HTR2B: variants seen among roughly 807,000 people sequenced by gnomAD.
HTR2B encodes the protein 5-HT 2B receptor.
Under a neutral mutation model 39.8 loss-of-function variants are expected in HTR2B, and 31 were observed. The ratio of observed to expected loss-of-function variants is 0.78; its 90% CI spans 0.58 to 1.05. HTR2B has a LOEUF of 1.05. Ranked by LOEUF, HTR2B falls within the 50% of genes least tolerant of loss-of-function variation. The pLI is 0.00. For synonymous variants in HTR2B, 210 were observed against 207.1 expected (o/e 1.01, Z -0.12); for missense variants, 562 against 578.0 (o/e 0.97, Z 0.28).
At chr2:231,112,350 C>A (rs1695182026) in intron 3 of HTR2B, among the ~76,000 whole-genome samples, 1 of 152,240 alleles carries the variant, frequency 6.6e-6, no homozygotes, top group Non-Finnish European at 1.5e-5. Context: ...TCTGCCCCCT[C>A]ATCTAGCCTT....
chr2:231,115,111 GAAC>G (rs1252102526), intron 2 of HTR2B, among the ~76,000 whole-genome samples: 2 of 151,408 alleles, frequency 1.3e-5, no homozygotes, highest in Non-Finnish European at 2.9e-5. Flanking sequence ...CAGGATTACA[GAAC>G]AACAAGAGAC....
At chr2:231,124,691 C>A (rs1370832409) in intron 1 of HTR2B, among the ~76,000 whole-genome samples, 1 of 152,102 alleles carries the variant, frequency 6.6e-6, no homozygotes, top group Non-Finnish European at 1.5e-5. Context: ...ACTAAATTTG[C>A]CAAATTCAAA....
In HTR2B at chr2:231,109,009, G is replaced by A. The variant is rs371120289; in HGVS notation, c.954C>T (p.Asn318=). The change falls in exon 4 of 4, where the codon AAC becomes AAT. Residue 318 remains asparagine, a synonymous_variant. Coordinates refer to ENST00000258400, the MANE Select transcript of HTR2B (RefSeq NM_000867.5). ...CTAGGACCTTTGAGGCTCTCTGTTC[G>A]TTGGAAATGGTCTGCACTGACTTTT... ...IGKKSVQTIS[N]EQRASKVLGI... The A allele has an allele frequency of 4.0e-5, 64 of 1,614,078 alleles. No homozygotes were observed. Among genetic ancestry groups the A allele is most frequent in the African/African-American group, 8.0e-5 (6 of 74,928 alleles).
At chr2:231,114,939 G>C (rs1695280285) in intron 2 of HTR2B, among the ~76,000 whole-genome samples, 2 of 152,262 alleles carry the variant, frequency 1.3e-5, no homozygotes, top group South Asian at 2.1e-4. Flanking sequence ...GTAGAGAACA[G>C]ATGTCATGCA....
rs184764588 is a variant in HTR2B, at chr2:231,123,719, C to G, written c.46G>C (p.Glu16Gln). 4.3e-6 allele frequency: 7 copies of G among 1,613,992 alleles called. No individual in the cohort carries two copies. In the East Asian group the frequency reaches 1.3e-4, roughly 31 times the overall value. ...RVSELQSTIPEHILQSTFVHV... is the reference protein window; with the variant it reads ...RVSELQSTIPQHILQSTFVHV... ...ACAAAGGTGCTCTGCAAAATGTGCT[C>G]AGGAATTGTGCTTTGAAGTTCAGAC... The change falls in exon 2 of 4, where the codon GAG (glutamate) becomes CAG (glutamine). Residue 16 changes from glutamate (E) to glutamine (Q), a missense_variant. Transcript: ENST00000258400.
chr2:231,121,063 T>C (rs1465295183), intron 2 of HTR2B, among the ~76,000 whole-genome samples: 3 of 152,258 alleles, frequency 2.0e-5, no homozygotes, highest in African/African-American at 7.2e-5. Flanking sequence ...TGTGTTTTTT[T>C]CCTACATTTT....
intron 2 of HTR2B, among the ~76,000 whole-genome samples, chr2:231,116,337 A>G (rs868800894): frequency 1.6e-4 from 24 of 152,168 alleles, no homozygotes; most frequent in African/African-American, 5.5e-4. Context: ...TAGAGCTATA[A>G]TCAGAGATAT....
chr2:231,118,287 A>G (rs540011485), intron 2 of HTR2B, among the ~76,000 whole-genome samples: 1 of 152,280 alleles, frequency 6.6e-6, no homozygotes, highest in East Asian at 1.9e-4. Context: ...CTCAACCATG[A>G]AAACACTCCT....
Position 231,123,955 on chromosome 2 carries a change from A to G in HTR2B, c.-191T>C. Reference sequence around the variant, plus strand: ...CATACACACATCTGTCCATGTTTGTAGGTAAGATATCCAAGTATTTATTAT... The same window carrying G: ...CATACACACATCTGTCCATGTTTGTGGGTAAGATATCCAAGTATTTATTAT... On this transcript the variant is annotated 5_prime_UTR_variant, in exon 2 of 4. Coordinates refer to ENST00000258400, the MANE Select transcript of HTR2B (RefSeq NM_000867.5). 1.7e-6 allele frequency: 1 copy of G among 600,136 alleles called. No individual in the cohort carries two copies. Among genetic ancestry groups the G allele is most frequent in the Non-Finnish European group, 3.0e-6 (1 of 336,160 alleles). The allele number at this position is 600,136 out of a possible 1,614,324, so 37.2% of individuals were successfully genotyped here.
At chr2:231,123,140 A>G (rs1337382266) in intron 2 of HTR2B, among the ~76,000 whole-genome samples, 2 of 152,204 alleles carry the variant, frequency 1.3e-5, no homozygotes, top group African/African-American at 4.8e-5. Context: ...TTCAGAATCT[A>G]TAAATATCAC....
intron 2 of HTR2B, 67 bp from the exon 3 acceptor site, chr2:231,113,996 T>G: frequency 8.0e-7 from 1 of 1,252,074 alleles, no homozygotes; most frequent in Non-Finnish European, 1.2e-6. Context: ...CTACAGTTTT[T>G]CAGGTGATAC....
rs1208344545 is a variant in HTR2B, at chr2:231,108,256, A to T, written c.*261T>A. 1 of 351,710 alleles carries T rather than the reference A, an allele frequency of 2.8e-6. No homozygotes were observed. The highest frequency in any genetic ancestry group is 5.2e-6 in the Non-Finnish European group (1 of 193,770). 21.8% of individuals were successfully genotyped at this position (351,710 alleles called of 1,614,324 possible). ...TCTTTTTAAAGCCTGAAATTTATTG[A>T]TTTGACTTTATTTCATTCGAATACC... is the stretch of plus-strand genomic sequence containing the variant. On this transcript the variant is annotated 3_prime_UTR_variant, in exon 4 of 4. Coordinates refer to ENST00000258400, the MANE Select transcript of HTR2B (RefSeq NM_000867.5).
chr2:231,123,832 A>C lies in HTR2B; in HGVS notation c.-68T>G. 8.1e-7 allele frequency: 1 copy of C among 1,236,054 alleles called. No individual in the cohort carries two copies. The highest frequency in any genetic ancestry group is 1.2e-6 in the Non-Finnish European group (1 of 837,474). 76.6% of individuals were successfully genotyped at this position (1,236,054 alleles called of 1,614,324 possible). A position where few individuals can be genotyped will look rare whatever the true frequency, so the allele number is the denominator to read the frequency against. Reference sequence around the variant, plus strand: ...AGCATGGTTAGTAGCTAAGCTGCTCATCTGTTTTTTTAAGGCATTGTAACC... The same window carrying C: ...AGCATGGTTAGTAGCTAAGCTGCTCCTCTGTTTTTTTAAGGCATTGTAACC... On this transcript the variant is annotated 5_prime_UTR_variant, in exon 2 of 4. It removes an upstream start codon present in the reference 5' UTR. Coordinates refer to ENST00000258400, the MANE Select transcript of HTR2B (RefSeq NM_000867.5).
intron 2 of HTR2B, among the ~76,000 whole-genome samples, chr2:231,119,864 C>T (rs1574748185): frequency 2.9e-5 from 3 of 102,132 alleles, no homozygotes; most frequent in African/African-American, 5.3e-5. Flanking sequence ...AACGAGACTC[C>T]GTCTCAAAAA....
intron 2 of HTR2B, among the ~76,000 whole-genome samples, chr2:231,114,175 G>A (rs1695255499): frequency 6.6e-6 from 1 of 152,120 alleles, no homozygotes; most frequent in South Asian, 2.1e-4. Flanking sequence ...GTCAGCAGCA[G>A]TTTAACTTTT....
intron 3 of HTR2B, among the ~76,000 whole-genome samples, chr2:231,112,117 C>T (rs568923257): frequency 3.3e-5 from 5 of 151,954 alleles, no homozygotes; most frequent in African/African-American, 1.2e-4. Context: ...AACTTTTTTT[C>T]CCTTTCTCTG....
intron 2 of HTR2B, among the ~76,000 whole-genome samples, chr2:231,114,611 T>G (rs935967284): frequency 1.3e-5 from 2 of 152,342 alleles, no homozygotes; most frequent in Middle Eastern, 6.8e-3. Flanking sequence ...GTACAGACTT[T>G]TGATTTGAAA....
At chr2:231,122,793 A>C (rs979945163) in intron 2 of HTR2B, among the ~76,000 whole-genome samples, 3 of 152,178 alleles carry the variant, frequency 2.0e-5, no homozygotes, top group Non-Finnish European at 2.9e-5. Context: ...TATATCATAA[A>C]AAAATTGAAT....
At chr2:231,119,207 G>T (rs890147085) in intron 2 of HTR2B, among the ~76,000 whole-genome samples, 6 of 152,120 alleles carry the variant, frequency 3.9e-5, no homozygotes, top group Non-Finnish European at 2.9e-5. Flanking sequence ...CTCCATTTCA[G>T]AATTGGGTAG....
Sources: allele counts gnomAD v4.1 joint callset (sites outside exome capture counted in the v4.1 genomes callset), GRCh38; gene constraint gnomAD v4.1.1; transcripts MANE v1.5; gene names NCBI Gene and HGNC (gene_info 2026-07-23, HGNC 2026-07-21).